PSME2: variants seen among roughly 807,000 people sequenced by gnomAD.
PSME2 encodes proteasome activator complex subunit 2.
In PSME2, 20 loss-of-function variants were observed where a neutral mutation model predicts 38.8. That is an observed-to-expected ratio of 0.52 (90% CI 0.36 to 0.75). The LOEUF is 0.75. PSME2 is among the 30% of genes least tolerant of loss of function. The probability of loss-of-function intolerance (pLI) is 0.00; values close to 1 mark genes in which losing one functional copy is unlikely to be tolerated. For synonymous variants in PSME2, 82 were observed against 102.5 expected, an observed-to-expected ratio of 0.80 and a Z score of 1.21; for missense variants, 227 against 287.6, an observed-to-expected ratio of 0.79 and a Z score of 1.52.
chr14:24,144,551 T>C (rs2038122536), intron 6 of PSME2, 83 bp from the exon 7 acceptor site: 2 of 1,360,368 alleles, frequency 1.5e-6, no homozygotes, highest in Admixed American at 1.7e-5. Flanking sequence ...AAAAAAGTTA[T>C]ATTTAATTGG....
chr14:24,144,424 T>G lies in PSME2; in HGVS notation c.405A>C (p.Gly135=). The change falls in exon 7 of 11, where the codon GGA becomes GGC. Residue 135 remains glycine (G), a synonymous_variant. Transcript: ENST00000216802. ...IQHLIPKIED[G]NDFGVAIQEK... is the part of the protein sequence containing the mutation. The stretch of plus-strand genomic sequence containing the variant: ...CCTGGATTGCTACCCCAAAATCATT[T>G]CCATCTTCAATCTTGGGGATCAGGT... 2 of 1,613,722 alleles carry G rather than the reference T, an allele frequency of 1.2e-6. No homozygotes were observed. Among genetic ancestry groups the G allele is most frequent in the Non-Finnish European group, 8.5e-7 (1 of 1,179,588 alleles).
Position 24,143,426 on chromosome 14 carries a change from T to C in PSME2, c.703A>G (p.Lys235Glu). The C allele has an allele frequency of 3.7e-6, 6 of 1,614,036 alleles. No homozygotes were observed. Among genetic ancestry groups the C allele is most frequent in the Non-Finnish European group, 5.1e-6 (6 of 1,179,886 alleles). The change falls in exon 11 of 11, where the codon AAG becomes GAG. Residue 235 changes from lysine to glutamate, a missense_variant. Lys to Glu is a moderately conservative substitution (Grantham distance 56). Around this residue, in one of 3 missense-constraint regions of PSME2, gnomAD observed 99 missense variants for 113.9 expected, o/e 0.87. Transcript: ENST00000216802. This position sits in a 1 kb window ranked among gnomAD's most constrained non-coding sequence, Gnocchi z 4.4. ...TCCCGGGTTCAGTACATAGATGGCTTTTCTTCACCCTTTGGGTTGACAATT... is the reference window on the plus strand; with the variant it reads ...TCCCGGGTTCAGTACATAGATGGCTCTTCTTCACCCTTTGGGTTGACAATT... ...EKIVNPKGEE[K>E]PSMY
At position 24,145,403 on chromosome 14, in the gene PSME2, TG is replaced by T; in HGVS notation, c.206del (p.Pro69GlnfsTer53). 6.3e-7 allele frequency: 1 copy of T among 1,582,736 alleles called. No homozygotes were observed. The highest frequency in any genetic ancestry group is 1.2e-5 in the South Asian group (1 of 84,906). On this transcript the variant is annotated frameshift_variant, in exon 4 of 11. Transcript: ENST00000216802. LOFTEE classifies it high-confidence loss of function. ...CCTCATCATCCTTGGGTGGAGGGTC[TG>T]GGATGGGGATGTCCAGTGGGGCCCG... The part of the protein sequence containing the change: ...SLRAPLDIPI[P>X]DPPPKDDEME...
In PSME2 at chr14:24,146,548, C is replaced by T. The variant is rs200493276; in HGVS notation, c.34G>A (p.Glu12Lys). The T allele has an allele frequency of 3.7e-6, 6 of 1,613,960 alleles. No individual in the cohort carries two copies. The highest frequency in any genetic ancestry group is 4.5e-5 in the East Asian group (2 of 44,880). The change falls in exon 1 of 11, where the codon GAA becomes AAA. Residue 12 changes from glutamate to lysine, a missense_variant. Coordinates refer to ENST00000216802, the MANE Select transcript of PSME2 (RefSeq NM_002818.3). ...TTCCCCATTACCTGTTTGCGGGCTT[C>T]CCCGCTCAGGCGCACCCCACACGGC... Reference protein sequence around the residue: ...AKPCGVRLSGEARKQVEVFRQ... With the variant: ...AKPCGVRLSGKARKQVEVFRQ...
In PSME2 at chr14:24,144,263, T is replaced by C; in HGVS notation, c.430-4A>G. 6.2e-7 allele frequency: 1 copy of C among 1,614,136 alleles called. No homozygotes were observed. The highest frequency in any genetic ancestry group is 8.5e-7 in the Non-Finnish European group (1 of 1,179,970). ...TCACCCTCTCCAGCACCTTCTCCTGTGGTGACACGGGAGGCAAAGACAACA... is the reference window on the plus strand; with the variant it reads ...TCACCCTCTCCAGCACCTTCTCCTGCGGTGACACGGGAGGCAAAGACAACA... On this transcript the variant is annotated splice_region_variant and splice_polypyrimidine_tract_variant and intron_variant, in intron 7 of 10. Coordinates refer to ENST00000216802, the MANE Select transcript of PSME2 (RefSeq NM_002818.3).
intron 1 of PSME2, 137 bp downstream of exon 1, chr14:24,146,397 C>T: frequency 1.4e-6 from 2 of 1,438,116 alleles, no homozygotes; most frequent in South Asian, 2.4e-5. Context: ...AGGCAGGAAT[C>T]TGGGAATCCC....
intron 7 of PSME2, 45 bp downstream of exon 7, chr14:24,144,354 CT>C (rs2038120156): frequency 6.2e-7 from 1 of 1,607,518 alleles, no homozygotes; most frequent in Non-Finnish European, 8.5e-7. Context: ...AGCTCACCCC[CT>C]GAGGCTCTCC....
At chr14:24,144,530 G>A (rs1315369083) in intron 6 of PSME2, 62 bp from the exon 7 acceptor site, 4 of 1,495,962 alleles carry the variant, frequency 2.7e-6, no homozygotes, top group Non-Finnish European at 3.7e-6. Context: ...TCCTATTACT[G>A]TCACTTCCTA....
chr14:24,146,182 C>A lies in PSME2; in HGVS notation c.81+26G>T. On this transcript the variant is annotated intron_variant, in intron 2 of 10. Transcript: ENST00000216802. ...CAAGTATTGGTCCAAGATTCTGGGT[C>A]AAATCGCTCAAATCCAGAGACTTAC... 3 of 1,611,628 alleles carry A rather than the reference C, an allele frequency of 1.9e-6. No homozygotes were observed. In the South Asian group the frequency reaches 3.3e-5, roughly 18 times the overall value.
At chr14:24,144,358 G>A in intron 7 of PSME2, 42 bp downstream of exon 7, 5 of 1,607,028 alleles carry the variant, frequency 3.1e-6, no homozygotes, top group Non-Finnish European at 4.3e-6. Flanking sequence ...CACCCCCTGA[G>A]GCTCTCCCCA....
Position 24,143,733 on chromosome 14 carries a change from C to A in PSME2, c.553-62G>T. ...GGAGGCTGGGACATGAGTCTGGTTT[C>A]CTTTTATAGGAAATAGGTTAACTTG... On this transcript the variant is annotated intron_variant, in intron 9 of 10. Coordinates refer to ENST00000216802, the MANE Select transcript of PSME2 (RefSeq NM_002818.3). This position sits in a 1 kb window ranked among gnomAD's most constrained non-coding sequence, Gnocchi z 4.4. The A allele has an allele frequency of 1.3e-6, 2 of 1,540,154 alleles. No individual in the cohort carries two copies. Among genetic ancestry groups the A allele is most frequent in the Non-Finnish European group, 1.8e-6 (2 of 1,114,606 alleles).
chr14:24,145,299 C>T lies in PSME2; in HGVS notation c.232-26G>A, dbSNP rs772675139. On this transcript the variant is annotated intron_variant, in intron 4 of 10. Coordinates refer to ENST00000216802, the MANE Select transcript of PSME2 (RefSeq NM_002818.3). Reference sequence around the variant, plus strand: ...CTAAGGCAAAAAGGGGGGAAAGTAGCTTTAGAAAAGTCACAGAGGTTGAAG... The same window carrying T: ...CTAAGGCAAAAAGGGGGGAAAGTAGTTTTAGAAAAGTCACAGAGGTTGAAG... The T allele has an allele frequency of 2.5e-6, 4 of 1,613,996 alleles. No individual in the cohort carries two copies. In the South Asian group the frequency reaches 3.3e-5, roughly 13 times the overall value.
rs1566609378 is a variant in PSME2, at chr14:24,144,487, T to C, written c.361-19A>G. On this transcript the variant is annotated intron_variant, in intron 6 of 10. Transcript: ENST00000216802. Reference sequence around the variant, plus strand: ...TAATCACCTGTGTTAAGAGGTATCATGTAAGAATCATTCAACAAACATACT... The same window carrying C: ...TAATCACCTGTGTTAAGAGGTATCACGTAAGAATCATTCAACAAACATACT... The C allele has an allele frequency of 3.1e-6, 5 of 1,596,210 alleles. No homozygotes were observed. Among genetic ancestry groups the C allele is most frequent in the Non-Finnish European group, 1.7e-6 (2 of 1,163,690 alleles).
rs971471525 is a variant in PSME2, at chr14:24,146,601, C to G, written c.-20G>C. 28 of 1,612,406 alleles carry G rather than the reference C, an allele frequency of 1.7e-5. No individual in the cohort carries two copies. Among genetic ancestry groups the G allele is most frequent in the East Asian group, 8.9e-5 (4 of 44,892 alleles). On this transcript the variant is annotated 5_prime_UTR_variant, in exon 1 of 11. Coordinates refer to ENST00000216802, the MANE Select transcript of PSME2 (RefSeq NM_002818.3). ...GGCCATGCTGCTTCAGTCGCTAGAT[C>G]TCTGGTCTCCCGGCTAGTCGCCCGG...
chr14:24,146,457 G>A, intron 1 of PSME2, 77 bp downstream of exon 1: 1 of 1,583,650 alleles, frequency 6.3e-7, no homozygotes, highest in Non-Finnish European at 8.7e-7. Flanking sequence ...GGCACTGCTT[G>A]GTCCCCTGAA....
intron 2 of PSME2, 91 bp from the exon 3 acceptor site, chr14:24,145,863 G>A (rs1183611444): frequency 2.2e-6 from 3 of 1,366,676 alleles, no homozygotes; most frequent in Non-Finnish European, 3.1e-6. Context: ...GGAAATCACT[G>A]GGTCCAAGAC....
rs1452490627 is a variant in PSME2 at position 24,143,378 on chromosome 14, T to C, written c.*31A>G. The C allele has an allele frequency of 3.8e-6, 6 of 1,579,630 alleles. No individual in the cohort carries two copies. The highest frequency in any genetic ancestry group is 1.1e-5 in the South Asian group (1 of 90,276). On this transcript the variant is annotated 3_prime_UTR_variant, in exon 11 of 11. Coordinates refer to ENST00000216802, the MANE Select transcript of PSME2 (RefSeq NM_002818.3). The surrounding 1 kb of genome is among the most constrained non-coding windows in gnomAD (Gnocchi z 4.4). ...GCCAGAAGGGAATCCACACAACATA[T>C]AGATCATTTATTTTCCTTCTAGTCC...
Position 24,143,407 on chromosome 14 carries a change from G to A in PSME2, c.*2C>T, listed in dbSNP as rs145577238. 24 of 1,609,926 alleles carry A rather than the reference G, an allele frequency of 1.5e-5. No homozygotes were observed. In the African/African-American group the frequency reaches 1.9e-4, roughly 13 times the overall value. On this transcript the variant is annotated 3_prime_UTR_variant, in exon 11 of 11. Transcript: ENST00000216802. This position sits in a 1 kb window ranked among gnomAD's most constrained non-coding sequence, Gnocchi z 4.4. The stretch of plus-strand genomic sequence containing the variant: ...TCATTTATTTTCCTTCTAGTCCCGG[G>A]TTCAGTACATAGATGGCTTTTCTTC...
chr14:24,145,845 G>C, intron 2 of PSME2, 73 bp from the exon 3 acceptor site: 2 of 1,490,308 alleles, frequency 1.3e-6, no homozygotes, highest in South Asian at 1.1e-5. Context: ...GGAACTGGAA[G>C]GGCCTTTGGA....
Sources: gnomAD v4.1 joint callset for allele counts on GRCh38, gnomAD v4.1.1 for gene constraint, gnomAD v4.1.1 regional missense constraint, Gnocchi (gnomAD v3.1) non-coding constraint, MANE v1.5 for transcripts, NCBI Gene and HGNC (gene_info 2026-07-23, HGNC 2026-07-21) for gene names.